The following HMOX2 variants were observed in gnomAD, a reference collection of about 807,000 sequenced individuals.
HMOX2 encodes heme oxygenase 2.
Under a neutral mutation model 33.7 loss-of-function variants are expected in HMOX2, and 30 were observed. The observed-to-expected ratio is 0.89, with a 90% CI of 0.67 to 1.21. The LOEUF is 1.21. Among genes scored for constraint, HMOX2 ranks in the 50% most tolerant of loss-of-function variants. HMOX2 has a pLI of 0.00. For missense variants in HMOX2, 403 were observed against 399.1 expected (o/e 1.01, Z -0.08); for synonymous variants, 155 against 155.0 (o/e 1.00, Z 0.00).
rs1048785767 is a variant in HMOX2 at position 4,490,730 on chromosome 16, A to G, written c.-42+14243A>G. On this transcript the variant is annotated intron_variant, in intron 1 of 5. Transcript: ENST00000570646. ...TTTTTGGTGGAAATTCAGTTTCCTC[A>G]GAAATCTATATAAGGGATATTTGAT... Among the ~76,000 whole-genome samples, 7 of 152,368 alleles carry G rather than the reference A, an allele frequency of 4.6e-5. No homozygotes were observed. In the South Asian group the frequency reaches 1.4e-3, roughly 32 times the overall value.
chr16:4,504,033 C>A (rs1423250344), intron 1 of HMOX2, among the ~76,000 whole-genome samples: 1 of 152,210 alleles, frequency 6.6e-6, no homozygotes, highest in Non-Finnish European at 1.5e-5. Context: ...TGAGCAGAAG[C>A]CCCGAGGGAT....
intron 1 of HMOX2, among the ~76,000 whole-genome samples, chr16:4,493,046 A>G (rs1212654202): frequency 1.3e-5 from 2 of 151,876 alleles, no homozygotes; most frequent in African/African-American, 4.8e-5. Context: ...TCTTTTTTTG[A>G]GACAGAGTCT....
At chr16:4,491,582 G>A (rs774177821) in intron 1 of HMOX2, among the ~76,000 whole-genome samples, 2 of 152,062 alleles carry the variant, frequency 1.3e-5, no homozygotes, top group Non-Finnish European at 2.9e-5. Flanking sequence ...AGCTCAGGAG[G>A]TCAAGGCTGC....
chr16:4,495,057 T>G (rs920589172), intron 1 of HMOX2, among the ~76,000 whole-genome samples: 6 of 152,202 alleles, frequency 3.9e-5, no homozygotes, highest in African/African-American at 7.2e-5. Context: ...AAGAGAGGGC[T>G]GCATTTACAG....
chr16:4,479,081 G>A (rs1470380560), intron 1 of HMOX2, among the ~76,000 whole-genome samples: 1 of 152,098 alleles, frequency 6.6e-6, no homozygotes, highest in Non-Finnish European at 1.5e-5. Flanking sequence ...AACCTGGGAG[G>A]CAGAGGTTTC....
chr16:4,490,052 G>T (rs2058268397), intron 1 of HMOX2, among the ~76,000 whole-genome samples: 1 of 152,158 alleles, frequency 6.6e-6, no homozygotes, highest in African/African-American at 2.4e-5. Context: ...TTGGGCAGTA[G>T]GAGGCCAAGA....
At chr16:4,502,418 C>T (rs1469041582) in intron 1 of HMOX2, among the ~76,000 whole-genome samples, 2 of 152,198 alleles carry the variant, frequency 1.3e-5, no homozygotes, top group African/African-American at 4.8e-5. Context: ...AGTTGGTAAC[C>T]TGGGCCATGG....
intron 1 of HMOX2, among the ~76,000 whole-genome samples, chr16:4,498,382 T>G (rs2058475825): frequency 6.7e-6 from 1 of 149,218 alleles, no homozygotes; most frequent in East Asian, 1.9e-4. Flanking sequence ...AGTCTTAACT[T>G]GCTCTTTTTT....
chr16:4,483,140 C>G (rs946192554), intron 1 of HMOX2, among the ~76,000 whole-genome samples: 2 of 149,432 alleles, frequency 1.3e-5, no homozygotes, highest in African/African-American at 5.0e-5. Context: ...TTCAGCTATC[C>G]TGAAGCTAAT....
At position 4,505,578 on chromosome 16, in the gene HMOX2, C is replaced by T. The variant is rs1158366889; in HGVS notation, c.54C>T (p.Asn18=). 3 of 1,602,226 alleles carry T rather than the reference C, an allele frequency of 1.9e-6. No individual in the cohort carries two copies. Among genetic ancestry groups the T allele is most frequent in the Non-Finnish European group, 2.6e-6 (3 of 1,173,904 alleles). ...GGGTAGACGAGTCAGAAAAAAAGAA[C>T]TCTGGGGCCCTAGAAAAGGAGAACC... ...SEGVDESEKK[N]SGALEKENQM... The change falls in exon 2 of 6, where the codon AAC becomes AAT. Residue 18 remains asparagine, a synonymous_variant. Coordinates refer to ENST00000570646, the MANE Select transcript of HMOX2 (RefSeq NM_002134.4).
chr16:4,487,996 G>A (rs1324955942), intron 1 of HMOX2, among the ~76,000 whole-genome samples: 1 of 150,402 alleles, frequency 6.6e-6, no homozygotes, highest in Non-Finnish European at 1.5e-5. Context: ...GGTTTTGCAT[G>A]CCTGTAATCC....
chr16:4,507,992 T>G lies in HMOX2; in HGVS notation c.484T>G (p.Ser162Ala). ...ATACACCCGCTACATGGGGGATCTC[T>G]CGGGGGGCCAGGTGCTGAAGAAGGT... ...HAYTRYMGDL[S>A]GGQVLKKVAQ... Residue 162 changes from serine (S) to alanine (A), a missense_variant, in exon 4 of 6, where the codon TCG becomes GCG. By Grantham distance (99) the Ser-to-Ala change is moderately conservative. Coordinates refer to ENST00000570646, the MANE Select transcript of HMOX2 (RefSeq NM_002134.4). The G allele has an allele frequency of 6.2e-7, 1 of 1,613,756 alleles. No individual in the cohort carries two copies. The highest frequency in any genetic ancestry group is 8.5e-7 in the Non-Finnish European group (1 of 1,179,934).
chr16:4,482,608 CCTA>C (rs1461305711), intron 1 of HMOX2, among the ~76,000 whole-genome samples: 3 of 152,188 alleles, frequency 2.0e-5, no homozygotes, highest in Non-Finnish European at 2.9e-5. Context: ...ATACTTCTGA[CCTA>C]CTAGCTATAA....
intron 1 of HMOX2, among the ~76,000 whole-genome samples, chr16:4,503,232 G>T (rs1409780449): frequency 6.6e-6 from 1 of 152,200 alleles, no homozygotes; most frequent in African/African-American, 2.4e-5. Context: ...TTGGTAAGTG[G>T]ACGCACAGCT....
chr16:4,507,565 C>A, intron 3 of HMOX2, 148 bp from the exon 4 acceptor site: 1 of 788,474 alleles, frequency 1.3e-6, no homozygotes, highest in Non-Finnish European at 2.0e-6. Flanking sequence ...GAAACAAAAG[C>A]TTCCTTGTGT....
At chr16:4,480,037 C>CATTTTTA (rs1567377825) in intron 1 of HMOX2, among the ~76,000 whole-genome samples, 1 of 149,310 alleles carries the variant, frequency 6.7e-6, no homozygotes. Flanking sequence ...CTGCGCCCGG[C>CATTTTTA]TTTTTTATTT....
chr16:4,505,531 G>C lies in HMOX2; in HGVS notation c.7G>C (p.Ala3Pro). 2.5e-6 allele frequency: 4 copies of C among 1,605,894 alleles called. No homozygotes were observed. The highest frequency in any genetic ancestry group is 3.4e-6 in the Non-Finnish European group (4 of 1,175,690). ...AGAACCACACCCAGCAGCAATGTCA[G>C]CGGAAGTGGAAACCTCAGAGGGGGT... MS[A>P]EVETSEGVDE... The change falls in exon 2 of 6, where the codon GCG becomes CCG. Residue 3 changes from alanine to proline, a missense_variant. Transcript: ENST00000570646.
At chr16:4,481,097 A>G (rs990393512) in intron 1 of HMOX2, among the ~76,000 whole-genome samples, 5 of 151,846 alleles carry the variant, frequency 3.3e-5, no homozygotes, top group African/African-American at 9.7e-5. Flanking sequence ...CTGTAATCCC[A>G]GCACTTTGGG....
Position 4,509,392 on chromosome 16 carries a change from T to G in HMOX2, c.697-20T>G. On this transcript the variant is annotated intron_variant, in intron 4 of 5. Coordinates refer to ENST00000570646, the MANE Select transcript of HMOX2 (RefSeq NM_002134.4). ...TATGGGCAGCCCAAAGATGGCTCAGTCGATCCTCTGCTCCTGCAGATATTC... is the reference window on the plus strand; with the variant it reads ...TATGGGCAGCCCAAAGATGGCTCAGGCGATCCTCTGCTCCTGCAGATATTC... 6.2e-7 allele frequency: 1 copy of G among 1,610,298 alleles called. No individual in the cohort carries two copies. Among genetic ancestry groups the G allele is most frequent in the Non-Finnish European group, 8.5e-7 (1 of 1,178,956 alleles).
Sources: allele counts gnomAD v4.1 joint callset (sites outside exome capture counted in the v4.1 genomes callset), GRCh38; gene constraint gnomAD v4.1.1; transcripts MANE v1.5; gene names NCBI Gene and HGNC (gene_info 2026-07-23, HGNC 2026-07-21).